CPNE2: variants seen among roughly 807,000 people sequenced by gnomAD.
The protein encoded by CPNE2 is copine 2, also known as copine-2.
CPNE2 carries 42 observed loss-of-function variants against 69.7 expected under a neutral mutation model. The observed-to-expected ratio is 0.60, with a 90% CI of 0.47 to 0.78. The LOEUF is 0.78. CPNE2 is among the 30% of genes least tolerant of loss of function. The probability of loss-of-function intolerance (pLI) is 0.00; values close to 1 mark genes in which losing one functional copy is unlikely to be tolerated. For synonymous variants in CPNE2, 294 were observed against 289.8 expected (o/e 1.01, Z -0.15); for missense variants, 587 against 732.0 (o/e 0.80, Z 2.29).
chr16:57,133,456 A>C (rs189654847), intron 12 of CPNE2, among the ~76,000 whole-genome samples: 3 of 152,228 alleles, frequency 2.0e-5, no homozygotes, highest in Non-Finnish European at 1.5e-5. Context: ...ACTGGGTCTC[A>C]GGCCTGTTCG....
intron 1 of CPNE2, among the ~76,000 whole-genome samples, chr16:57,106,624 CTGATT>C (rs1345671229): frequency 6.9e-6 from 1 of 145,792 alleles, no homozygotes; most frequent in African/African-American, 2.4e-5. Context: ...AGAGAAGTGT[CTGATT>C]TGGCAGCAGG....
intron 13 of CPNE2, among the ~76,000 whole-genome samples, chr16:57,135,932 AGAAAGGAAAG>A (rs1266409972): frequency 7.3e-6 from 1 of 137,782 alleles, no homozygotes; most frequent in East Asian, 2.4e-4. Flanking sequence ...AGAGACAGAG[AGAAAGGAAAG>A]GAAAGGAAGG....
chr16:57,124,630 T>A (rs762785158), intron 10 of CPNE2: 103 of 305,240 alleles, frequency 3.4e-4, no homozygotes, highest in Non-Finnish European at 5.3e-4. Context: ...ACAGACTCTG[T>A]GCCACTCATC....
intron 1 of CPNE2, among the ~76,000 whole-genome samples, chr16:57,095,761 G>A (rs769761669): frequency 1.2e-4 from 19 of 152,176 alleles, no homozygotes; most frequent in Non-Finnish European, 2.1e-4. Flanking sequence ...CACTGTGCCC[G>A]ACCATGGAAC....
intron 14 of CPNE2, among the ~76,000 whole-genome samples, chr16:57,137,735 G>A (rs2069893389): frequency 6.6e-6 from 1 of 152,208 alleles, no homozygotes; most frequent in Admixed American, 6.5e-5. Flanking sequence ...CCCGGCTGAG[G>A]CTGCCAAAGT....
chr16:57,115,162 G>A (rs2069709468), intron 3 of CPNE2, among the ~76,000 whole-genome samples: 1 of 152,144 alleles, frequency 6.6e-6, no homozygotes, highest in African/African-American at 2.4e-5. Context: ...GCCTCTGGAG[G>A]AGGGAGTTAG....
In CPNE2 at chr16:57,147,574, A is replaced by G. The variant is rs755335150; in HGVS notation, c.1563A>G (p.Lys521=). Residue 521 remains lysine (K), a synonymous_variant, in exon 16 of 16, where the codon AAA becomes AAG. Transcript: ENST00000290776. The part of the protein sequence containing the change: ...FRNAAKETLA[K]AVLAELPQQV... ...AGGCAGCAAAAGAGACCTTGGCCAA[A>G]GCTGTGCTGGCGGAGCTGCCCCAAC... 4 of 1,606,756 alleles carry G rather than the reference A, an allele frequency of 2.5e-6. No homozygotes were observed. In the African/African-American group the frequency reaches 4.0e-5, roughly 16 times the overall value.
chr16:57,139,560 G>A (rs933394354), intron 14 of CPNE2, among the ~76,000 whole-genome samples: 19 of 152,348 alleles, frequency 1.2e-4, no homozygotes, highest in African/African-American at 4.1e-4. Context: ...GAGTCAAACC[G>A]TGAACTGAAT....
chr16:57,117,034 T>A (rs1217054821), intron 4 of CPNE2, among the ~76,000 whole-genome samples: 1 of 152,086 alleles, frequency 6.6e-6, no homozygotes, highest in Non-Finnish European at 1.5e-5. Flanking sequence ...TGTGAACTGA[T>A]GGGACTCAGT....
intron 1 of CPNE2, among the ~76,000 whole-genome samples, chr16:57,094,339 C>T (rs1436834364): frequency 6.6e-6 from 1 of 152,082 alleles, no homozygotes; most frequent in Non-Finnish European, 1.5e-5. Context: ...AGGGAGCAGA[C>T]GTTCTGCAAG....
chr16:57,120,381 TGGCCTCTCACGTGA>T (rs1205747046), intron 7 of CPNE2, among the ~76,000 whole-genome samples: 1 of 151,298 alleles, frequency 6.6e-6, no homozygotes, highest in Non-Finnish European at 1.5e-5. Flanking sequence ...GAGACCACCC[TGGCCTCTCACGTGA>T]GGCCTCTCAC....
At chr16:57,119,135 C>G (rs1189797982) in intron 5 of CPNE2, 60 bp from the exon 6 acceptor site, 1 of 1,461,860 alleles carries the variant, frequency 6.8e-7, no homozygotes, top group Non-Finnish European at 9.6e-7. Context: ...GCCACACCCC[C>G]ATCTGCCTGA....
intron 12 of CPNE2, among the ~76,000 whole-genome samples, chr16:57,131,771 T>G (rs1360502160): frequency 6.6e-6 from 1 of 152,206 alleles, no homozygotes; most frequent in Non-Finnish European, 1.5e-5. Context: ...GCCTCACTCC[T>G]GCTGCCTGAA....
At chr16:57,099,097 T>G (rs1315076868) in intron 1 of CPNE2, among the ~76,000 whole-genome samples, 5 of 152,154 alleles carry the variant, frequency 3.3e-5, no homozygotes. Flanking sequence ...GCCCCCGGTG[T>G]CCCCTTCTTG....
rs2069797588 is a variant in CPNE2 at position 57,125,907 on chromosome 16, C to T, written c.975C>T (p.Ser325=). 2 of 1,614,078 alleles carry T rather than the reference C, an allele frequency of 1.2e-6. No homozygotes were observed. Among genetic ancestry groups the T allele is most frequent in the Non-Finnish European group, 1.7e-6 (2 of 1,180,030 alleles). The change falls in exon 11 of 16, where the codon TCC becomes TCT. Residue 325 remains serine (S), a synonymous_variant. Transcript: ENST00000290776. ...CCAACGGGAATCCCCTCGACCCTTC[C>T]TCTTTGCACTATATCAACCCTATGG... ...TASNGNPLDP[S]SLHYINPMGT...
At position 57,115,472 on chromosome 16, in the gene CPNE2, C is replaced by T; in HGVS notation, c.361-4C>T. 1 of 1,611,068 alleles carries T rather than the reference C, an allele frequency of 6.2e-7. No homozygotes were observed. Among genetic ancestry groups the T allele is most frequent in the Non-Finnish European group, 8.5e-7 (1 of 1,178,198 alleles). On this transcript the variant is annotated splice_polypyrimidine_tract_variant and splice_region_variant and intron_variant, in intron 3 of 15. Coordinates refer to ENST00000290776, the MANE Select transcript of CPNE2 (RefSeq NM_152727.6). ...CTGAGCGCCCTTTCTCCTCTCTCCCCTAGATCGTCTCCAGCAAGAAGATCA... is the reference window on the plus strand; with the variant it reads ...CTGAGCGCCCTTTCTCCTCTCTCCCTTAGATCGTCTCCAGCAAGAAGATCA...
Position 57,110,890 on chromosome 16 carries a change from CT to C in CPNE2, c.149del (p.Leu50ProfsTer85). ...CTCCAAGTCCGACCCCTTCTGTGTCCTCTTTACAGAGAACAATGGCAGATGG... is the reference window on the plus strand; with the variant it reads ...CTCCAAGTCCGACCCCTTCTGTGTCCCTTTACAGAGAACAATGGCAGATGG... ...VTSKSDPFCV[L>X]FTENNGRWIE... On this transcript the variant is annotated frameshift_variant, in exon 2 of 16. Transcript: ENST00000290776. LOFTEE classifies it high-confidence loss of function. 4 of 1,613,228 alleles carry C rather than the reference CT, an allele frequency of 2.5e-6. No homozygotes were observed. Among genetic ancestry groups the C allele is most frequent in the Non-Finnish European group, 3.4e-6 (4 of 1,179,510 alleles).
intron 10 of CPNE2, chr16:57,124,155 C>T: frequency 4.0e-6 from 1 of 252,658 alleles, no homozygotes; most frequent in South Asian, 3.9e-5. Flanking sequence ...GATCTCAGAT[C>T]ACTGCAGCCT....
intron 14 of CPNE2, among the ~76,000 whole-genome samples, chr16:57,138,718 G>A (rs937486580): frequency 3.3e-5 from 5 of 152,194 alleles, no homozygotes; most frequent in African/African-American, 4.8e-5. Flanking sequence ...GGTCGGCAAT[G>A]TCTAGTTCAC....
Sources: allele counts gnomAD v4.1 joint callset (sites outside exome capture counted in the v4.1 genomes callset), GRCh38; gene constraint gnomAD v4.1.1; transcripts MANE v1.5; gene names NCBI Gene and HGNC (gene_info 2026-07-23, HGNC 2026-07-21).